Variants in ASAP3 observed in about 807,000 individuals in gnomAD.
ASAP3 encodes arf-GAP with SH3 domain, ANK repeat and PH domain-containing protein 3.
ASAP3 carries 85 observed loss-of-function variants against 118.2 expected under a neutral mutation model. The observed-to-expected ratio is 0.72, with a 90% CI of 0.60 to 0.86. The LOEUF is 0.86. Ranked by LOEUF, ASAP3 falls within the 40% of genes least tolerant of loss-of-function variation. The probability of loss-of-function intolerance (pLI) is 0.00; values close to 1 mark genes in which losing one functional copy is unlikely to be tolerated. For missense variants in ASAP3, 1,026 were observed against 1,175.0 expected (o/e 0.87, Z 1.85); for synonymous variants, 432 against 477.4 (o/e 0.90, Z 1.24).
intron 3 of ASAP3, among the ~76,000 whole-genome samples, chr1:23,454,724 C>T (rs987490222): frequency 6.6e-6 from 1 of 152,196 alleles, no homozygotes; most frequent in East Asian, 1.9e-4. Context: ...AAAGTAATTG[C>T]TGTTTTGCCA....
At position 23,450,031 on chromosome 1, in the gene ASAP3, C is replaced by T. The variant is rs190777379; in HGVS notation, c.473+1448G>A. On this transcript the variant is annotated intron_variant, in intron 5 of 24. Transcript: ENST00000336689. ...TGGGCCTCCAGTGAGAGCAGATGGCCGTGCCCCATCACAGGCAGGGATAGG... is the reference window on the plus strand; with the variant it reads ...TGGGCCTCCAGTGAGAGCAGATGGCTGTGCCCCATCACAGGCAGGGATAGG... Among the ~76,000 whole-genome samples, 3 of 152,286 alleles carry T rather than the reference C, an allele frequency of 2.0e-5. No homozygotes were observed. The East Asian group carries it at 5.8e-4, about 29-fold the overall frequency.
At position 23,484,032 on chromosome 1, in the gene ASAP3, G is replaced by A. The variant is rs1293638968; in HGVS notation, c.102C>T (p.Tyr34=). The A allele has an allele frequency of 1.5e-6, 2 of 1,322,812 alleles. No individual in the cohort carries two copies. Among genetic ancestry groups the A allele is most frequent in the Non-Finnish European group, 1.9e-6 (2 of 1,038,620 alleles). 81.9% of individuals were successfully genotyped at this position (1,322,812 alleles called of 1,614,324 possible). ...CCTCCCGCGCCAGCGCCGCCCCTCG[G>A]TACCGGGGCATCTTGGCGGCGAAGG... The part of the protein sequence containing the change: ...AAAFAAKMPR[Y]RGAALAREEI... Residue 34 remains tyrosine, a synonymous_variant, in exon 1 of 25, where the codon TAC becomes TAT. Coordinates refer to ENST00000336689, the MANE Select transcript of ASAP3 (RefSeq NM_017707.4).
chr1:23,444,777 G>A (rs1283165361), intron 5 of ASAP3, among the ~76,000 whole-genome samples: 1 of 152,140 alleles, frequency 6.6e-6, no homozygotes, highest in Non-Finnish European at 1.5e-5. Context: ...TGTCCCTGGG[G>A]ACCTGTAGAG....
chr1:23,470,701 C>A (rs1474560122), intron 1 of ASAP3, among the ~76,000 whole-genome samples: 1 of 152,200 alleles, frequency 6.6e-6, no homozygotes, highest in East Asian at 1.9e-4. Context: ...ACTGGCCGTG[C>A]GCCCCTTGGT....
chr1:23,476,645 A>G (rs10917388), intron 1 of ASAP3, among the ~76,000 whole-genome samples: 99,192 of 152,092 alleles, frequency 0.65, 36,877 homozygotes, highest in Non-Finnish European at 0.82. Context: ...AATAAAACTT[A>G]AACTCACTAC....
chr1:23,472,472 C>T (rs1287135908), intron 1 of ASAP3, among the ~76,000 whole-genome samples: 1 of 152,102 alleles, frequency 6.6e-6, no homozygotes, highest in Non-Finnish European at 1.5e-5. Context: ...ACCACACTGG[C>T]CTCAGCAAAT....
chr1:23,435,683 C>T (rs1436339369), intron 17 of ASAP3, 168 bp downstream of exon 17: 1 of 786,520 alleles, frequency 1.3e-6, no homozygotes, highest in Non-Finnish European at 2.2e-6. Context: ...GGATTCCCAC[C>T]CAGGTCTGCC....
chr1:23,434,152 G>T, intron 19 of ASAP3, 102 bp downstream of exon 19: 1 of 1,107,822 alleles, frequency 9.0e-7, no homozygotes. Flanking sequence ...AGATCACAGA[G>T]GTGGTCAGAA....
intron 1 of ASAP3, among the ~76,000 whole-genome samples, chr1:23,458,724 C>G (rs981051525): frequency 6.6e-6 from 1 of 151,674 alleles, no homozygotes; most frequent in East Asian, 1.9e-4. Flanking sequence ...GAGGCAAGAA[C>G]ATGGCCACTT....
chr1:23,481,383 T>C (rs906118033), intron 1 of ASAP3, among the ~76,000 whole-genome samples: 3 of 152,160 alleles, frequency 2.0e-5, no homozygotes, highest in Admixed American at 6.5e-5. Context: ...GGTGGGTTAG[T>C]CAAGCCCAGA....
In ASAP3 at chr1:23,437,248, G is replaced by A. The variant is rs746093463; in HGVS notation, c.1224C>T (p.Gly408=). ...SSAFLGEPSA[G]PGSWGSAGHD... Reference sequence around the variant, plus strand: ...GGCCGGCGGACCCCCAGGACCCCGGGCCAGCGCTGGGCTCCCCGAGGAAGG... The same window carrying A: ...GGCCGGCGGACCCCCAGGACCCCGGACCAGCGCTGGGCTCCCCGAGGAAGG... Residue 408 remains glycine (G), a synonymous_variant, in exon 14 of 25, where the codon GGC becomes GGT. Transcript: ENST00000336689. This position sits in a 1 kb window ranked among gnomAD's most constrained non-coding sequence, Gnocchi z 6.1. 6 of 1,590,830 alleles carry A rather than the reference G, an allele frequency of 3.8e-6. No individual in the cohort carries two copies. In the East Asian group the frequency reaches 1.4e-4, roughly 36 times the overall value.
chr1:23,436,742 G>A lies in ASAP3; in HGVS notation c.1477-88C>T, dbSNP rs1029610619. 5.1e-6 allele frequency: 8 copies of A among 1,559,102 alleles called. No homozygotes were observed. In the African/African-American group the frequency reaches 1.1e-4, roughly 21 times the overall value. ...TGGAGCTCCAAGCCCCCAGAGTCCCGCCCCTCGGCCGCCCTCCCGGTTCAG... is the reference window on the plus strand; with the variant it reads ...TGGAGCTCCAAGCCCCCAGAGTCCCACCCCTCGGCCGCCCTCCCGGTTCAG... On this transcript the variant is annotated intron_variant, in intron 15 of 24. Transcript: ENST00000336689. This position sits in a 1 kb window ranked among gnomAD's most constrained non-coding sequence, Gnocchi z 4.2.
chr1:23,435,678 C>T (rs191517346), intron 17 of ASAP3, 173 bp downstream of exon 17: 691 of 755,148 alleles, frequency 9.2e-4, no homozygotes, highest in Non-Finnish European at 1.3e-3. Context: ...AGCCAGGATT[C>T]CCACCCAGGT....
chr1:23,477,126 C>T (rs551176285), intron 1 of ASAP3, among the ~76,000 whole-genome samples: 4 of 151,216 alleles, frequency 2.6e-5, no homozygotes, highest in Non-Finnish European at 5.9e-5. Flanking sequence ...AAGCAATTCT[C>T]GTGCCTCAGC....
At position 23,434,243 on chromosome 1, in the gene ASAP3, T is replaced by C; in HGVS notation, c.1951+11A>G. On this transcript the variant is annotated intron_variant, in intron 19 of 24. Coordinates refer to ENST00000336689, the MANE Select transcript of ASAP3 (RefSeq NM_017707.4). Reference sequence around the variant, plus strand: ...AATAGGAGTCTGACGGAGGAGGTATTCAAGCCCCACCTGTGCCAACCAAAG... The same window carrying C: ...AATAGGAGTCTGACGGAGGAGGTATCCAAGCCCCACCTGTGCCAACCAAAG... The C allele has an allele frequency of 6.2e-7, 1 of 1,613,728 alleles. No individual in the cohort carries two copies. Among genetic ancestry groups the C allele is most frequent in the Non-Finnish European group, 8.5e-7 (1 of 1,179,720 alleles).
At chr1:23,471,184 T>C (rs533224185) in intron 1 of ASAP3, among the ~76,000 whole-genome samples, 19 of 152,338 alleles carry the variant, frequency 1.2e-4, no homozygotes, top group Non-Finnish European at 2.2e-4. Context: ...TATGCCAAAC[T>C]GTTTCCAGCC....
rs1640436344 is a variant in ASAP3 at position 23,431,687 on chromosome 1, C to CTGAA, written c.2546+8_2546+9insTTCA. 1 of 1,523,358 alleles carries CTGAA rather than the reference C, an allele frequency of 6.6e-7. No individual in the cohort carries two copies. Among genetic ancestry groups the CTGAA allele is most frequent in the African/African-American group, 1.4e-5 (1 of 71,214 alleles). 94.4% of individuals were successfully genotyped at this position (1,523,358 alleles called of 1,614,324 possible). On this transcript the variant is annotated intron_variant, in intron 23 of 24. Transcript: ENST00000336689. ...TTTGCCCTGGTTGCACAGCTGGGCC[C>CTGAA]TCACCAACCTGAATCTGACGGGGAG... is the stretch of plus-strand genomic sequence containing the variant.
rs763788327 is a variant in ASAP3, at chr1:23,433,660, G to A, written c.1985C>T (p.Ala662Val). 1 of 1,614,216 alleles carries A rather than the reference G, an allele frequency of 6.2e-7. No individual in the cohort carries two copies. The highest frequency in any genetic ancestry group is 1.7e-5 in the Admixed American group (1 of 60,028). ...NEAGETALDI[A>V]RKKHHKECEE... ...ACACTCCTTGTGGTGCTTCTTCCTG[G>A]CTATGTCCAGAGCTGTCTCGCCTGC... The change falls in exon 20 of 25, where the codon GCC becomes GTC. Residue 662 changes from alanine (A) to valine (V), a missense_variant. Ala to Val is a moderately conservative substitution (Grantham distance 64). Coordinates refer to ENST00000336689, the MANE Select transcript of ASAP3 (RefSeq NM_017707.4).
Position 23,482,522 on chromosome 1 carries a change from C to CA in ASAP3, c.129+1482dup, listed in dbSNP as rs1292475904. Among the ~76,000 whole-genome samples the CA allele has an allele frequency of 3.2e-3, 487 of 150,462 alleles. 4 individuals are homozygous for CA. Among genetic ancestry groups the CA allele is most frequent in the African/African-American group, 0.011 (464 of 40,988 alleles). On this transcript the variant is annotated intron_variant, in intron 1 of 24. Transcript: ENST00000336689. ...GGGAGACAGAGCAAGACTCTGTCTC[C>CA]AAAAAAAAGATGCATGCTTTATATG...
Sources: allele counts gnomAD v4.1 joint callset (sites outside exome capture counted in the v4.1 genomes callset), GRCh38; gene constraint gnomAD v4.1.1; non-coding constraint Gnocchi (gnomAD v3.1); transcripts MANE v1.5; gene names NCBI Gene and HGNC (gene_info 2026-07-23, HGNC 2026-07-21).